The following NELL2 variants were observed in gnomAD, a reference collection of about 807,000 sequenced individuals.
NELL2 encodes neural EGFL like 2, also known as protein kinase C-binding protein NELL2.
NELL2 carries 41 observed loss-of-function variants against 109.6 expected under a neutral mutation model. That is an observed-to-expected ratio of 0.37 (90% CI 0.29 to 0.49). The LOEUF (loss-of-function observed/expected upper bound fraction) is 0.49. NELL2 is among the 20% of genes least tolerant of loss of function. The pLI is 0.98. For missense variants in NELL2, 900 were observed against 1,008.3 expected (o/e 0.89, Z 1.45); for synonymous variants, 355 against 344.7 (o/e 1.03, Z -0.33).
At position 44,786,732 on chromosome 12, in the gene NELL2, T is replaced by C. The variant is rs1045231801; in HGVS notation, c.336-6710A>G. Among the ~76,000 whole-genome samples the C allele has an allele frequency of 4.6e-5, 7 of 152,124 alleles. No individual in the cohort carries two copies. The East Asian group carries it at 1.2e-3, about 25-fold the overall frequency. On this transcript the variant is annotated intron_variant, in intron 3 of 19. Transcript: ENST00000429094. ...TGAGTTCTTGTCCTTTGCAGGGACA[T>C]GGATGAAGCTGGAAACCATCATTCC...
intron 19 of NELL2, among the ~76,000 whole-genome samples, chr12:44,510,636 CTTA>C (rs989766629): frequency 5.5e-4 from 84 of 152,308 alleles, no homozygotes; most frequent in African/African-American, 1.8e-3. Flanking sequence ...TCTTTTCTAA[CTTA>C]TTATTAAGCT....
intron 12 of NELL2, 145 bp from the exon 13 acceptor site, chr12:44,665,754 G>GTT: frequency 1.1e-6 from 1 of 925,662 alleles, no homozygotes; most frequent in South Asian, 3.2e-5. Context: ...TGCTAGGAGT[G>GTT]TTTAATGTTC....
intron 9 of NELL2, among the ~76,000 whole-genome samples, chr12:44,745,929 CA>C (rs1940320246): frequency 6.6e-6 from 1 of 152,140 alleles, no homozygotes; most frequent in Admixed American, 6.5e-5. Context: ...ACTTTCTTCA[CA>C]GAATTGGAAA....
chr12:44,795,052 G>T (rs911434751), intron 3 of NELL2, among the ~76,000 whole-genome samples: 1 of 152,112 alleles, frequency 6.6e-6, no homozygotes. Context: ...AATAGGCAAC[G>T]GTGGCAGGGC....
intron 12 of NELL2, among the ~76,000 whole-genome samples, chr12:44,673,744 T>G (rs1948219788): frequency 6.6e-6 from 1 of 152,220 alleles, no homozygotes; most frequent in African/African-American, 2.4e-5. Context: ...CTGCCTTCTA[T>G]ATTTGAAGCC....
intron 17 of NELL2, 173 bp downstream of exon 17, chr12:44,523,118 C>G (rs975946408): frequency 1.5e-6 from 1 of 686,208 alleles, no homozygotes; most frequent in Non-Finnish European, 2.4e-6. Context: ...GTGGGACTAA[C>G]TAGGAAAGAA....
intron 13 of NELL2, among the ~76,000 whole-genome samples, chr12:44,631,865 C>T (rs1169040064): frequency 2.6e-5 from 4 of 151,898 alleles, no homozygotes; most frequent in Admixed American, 2.6e-4. Flanking sequence ...CCGATAAAGG[C>T]ATTACAAAAA....
chr12:44,767,045 A>G (rs535884705), intron 9 of NELL2, among the ~76,000 whole-genome samples: 1 of 152,340 alleles, frequency 6.6e-6, no homozygotes, highest in South Asian at 2.1e-4. Flanking sequence ...TAGGCACAGT[A>G]TAATGCCTTA....
chr12:44,705,051 T>A (rs1164421810), intron 11 of NELL2, among the ~76,000 whole-genome samples: 1 of 150,810 alleles, frequency 6.6e-6, no homozygotes, highest in African/African-American at 2.4e-5. Flanking sequence ...AAAAAGTATA[T>A]TTCATGTATC....
At position 44,508,481 on chromosome 12, in the gene NELL2, T is replaced by C. The variant is rs7302676; in HGVS notation, c.*453A>G. On this transcript the variant is annotated 3_prime_UTR_variant, in exon 20 of 20. Transcript: ENST00000429094. The stretch of plus-strand genomic sequence containing the variant: ...ATTTCTTTTCAGAGTGTACTGTACA[T>C]AACATGTTATAGCTTCTTTGCTTTA... The C allele has an allele frequency of 0.13, 19,910 of 156,806 alleles. 2,742 individuals are homozygous for C. Among genetic ancestry groups the C allele is most frequent in the African/African-American group, 0.35 (14,451 of 41,492 alleles). The allele number at this position is 156,806 out of a possible 1,614,324, so 9.7% of individuals were successfully genotyped here.
At chr12:44,580,578 T>C (rs75391412) in intron 15 of NELL2, among the ~76,000 whole-genome samples, 9,683 of 152,084 alleles carry the variant, frequency 0.064, 966 homozygotes, top group African/African-American at 0.22. Context: ...ATTAGTGTGG[T>C]GGTGGGCACC....
At chr12:44,683,319 G>GACTGCC (rs1948593854) in intron 12 of NELL2, among the ~76,000 whole-genome samples, 3 of 140,536 alleles carry the variant, frequency 2.1e-5, no homozygotes, top group African/African-American at 9.9e-5. Flanking sequence ...GAGATTTTGG[G>GACTGCC]CTGAGACAAT....
chr12:44,737,451 C>G (rs1299432044), intron 9 of NELL2, among the ~76,000 whole-genome samples: 1 of 151,936 alleles, frequency 6.6e-6, no homozygotes, highest in Non-Finnish European at 1.5e-5. Context: ...CCTGCTCCTC[C>G]CAAATTCCTT....
chr12:44,863,266 A>G (rs1944894861), intron 2 of NELL2, among the ~76,000 whole-genome samples: 1 of 152,212 alleles, frequency 6.6e-6, no homozygotes, highest in Non-Finnish European at 1.5e-5. Context: ...ATAGTAGCAG[A>G]AAACATTTCA....
Position 44,520,044 on chromosome 12 carries a change from C to A in NELL2, c.2361G>T (p.Trp787Cys). The A allele has an allele frequency of 2.5e-6, 4 of 1,614,110 alleles. No homozygotes were observed. The highest frequency in any genetic ancestry group is 3.4e-6 in the Non-Finnish European group (4 of 1,180,042). The change falls in exon 19 of 20, where the codon TGG becomes TGT. Residue 787 changes from tryptophan to cysteine, a missense_variant. This residue lies in a region of NELL2 where 333 missense variants were observed against 432.3 expected (regional missense o/e 0.77). Transcript: ENST00000429094. Reference protein sequence around the residue: ...MNVVRFTGSSWIKHGTECTLC... With the variant: ...MNVVRFTGSSCIKHGTECTLC... ...GAGTACACTCAGTGCCATGTTTGAT[C>A]CAAGAGGACCCGGTGAAGCGAACCA...
intron 12 of NELL2, among the ~76,000 whole-genome samples, chr12:44,685,929 G>A (rs543295344): frequency 6.1e-4 from 93 of 152,120 alleles, no homozygotes; most frequent in South Asian, 5.2e-3. Context: ...TCTTTGTGGC[G>A]TTCTCTATAT....
At chr12:44,630,785 C>T (rs540192390) in intron 13 of NELL2, among the ~76,000 whole-genome samples, 8 of 151,944 alleles carry the variant, frequency 5.3e-5, no homozygotes, top group Admixed American at 1.3e-4. Context: ...AAAAAGGATA[C>T]CCCGAGAAAG....
intron 2 of NELL2, among the ~76,000 whole-genome samples, chr12:44,831,557 C>T (rs574532834): frequency 6.2e-4 from 95 of 152,302 alleles, no homozygotes; most frequent in Admixed American, 4.5e-3. Flanking sequence ...AAACTCTCTA[C>T]TTTTATCAGG....
chr12:44,509,436 C>T (rs890214678), intron 19 of NELL2, among the ~76,000 whole-genome samples: 1 of 152,130 alleles, frequency 6.6e-6, no homozygotes, highest in Non-Finnish European at 1.5e-5. Context: ...CCTCTTAAAA[C>T]CCACATGTTG....
Sources: allele counts gnomAD v4.1 joint callset (sites outside exome capture counted in the v4.1 genomes callset), GRCh38; gene constraint gnomAD v4.1.1; regional missense constraint gnomAD v4.1.1; transcripts MANE v1.5; gene names NCBI Gene and HGNC (gene_info 2026-07-23, HGNC 2026-07-21).